LRBA: variants seen among roughly 807,000 people sequenced by gnomAD.
LRBA encodes LPS responsive beige-like anchor protein, also known as lipopolysaccharide-responsive and beige-like anchor protein.
LRBA carries 176 observed loss-of-function variants against 330.0 expected under a neutral mutation model. That is an observed-to-expected ratio of 0.53 (90% confidence interval 0.47 to 0.60). The LOEUF is 0.60. Among genes scored for constraint, LRBA ranks in the 20% least tolerant of loss-of-function variants. LRBA has a pLI of 0.00. For synonymous variants in LRBA, 1,230 were observed against 1,193.0 expected, an observed-to-expected ratio of 1.03 and a Z score of -0.64; for missense variants, 3,259 against 3,444.8, an observed-to-expected ratio of 0.95 and a Z score of 1.35.
chr4:150,953,565 G>T (rs577423552), intron 2 of LRBA, among the ~76,000 whole-genome samples: 1 of 150,792 alleles, frequency 6.6e-6, no homozygotes, highest in East Asian at 1.9e-4. Flanking sequence ...GGGTTTCGCC[G>T]TGTTGGCTGG....
At chr4:150,481,089 G>T (rs1291038402) in intron 42 of LRBA, among the ~76,000 whole-genome samples, 1 of 152,164 alleles carries the variant, frequency 6.6e-6, no homozygotes, top group Non-Finnish European at 1.5e-5. Flanking sequence ...AGAACACGCA[G>T]TGTTTAACTT....
chr4:150,545,623 C>T (rs1765770739), intron 40 of LRBA, among the ~76,000 whole-genome samples: 2 of 152,072 alleles, frequency 1.3e-5, no homozygotes, highest in South Asian at 4.1e-4. Context: ...CCATTTTATG[C>T]TTTAAAAATA....
chr4:150,325,707 C>A, intron 49 of LRBA, 102 bp downstream of exon 49: 2 of 785,322 alleles, frequency 2.5e-6, no homozygotes, highest in Admixed American at 2.1e-5. Flanking sequence ...AAAAACAAAC[C>A]CACATATGGT....
At chr4:150,837,216 T>C (rs1259088003) in intron 28 of LRBA, among the ~76,000 whole-genome samples, 3 of 152,208 alleles carry the variant, frequency 2.0e-5, no homozygotes, top group African/African-American at 7.2e-5. Flanking sequence ...TACTTCCAAC[T>C]ATGTGGTCAA....
At chr4:150,700,312 T>G (rs1184958576) in intron 36 of LRBA, among the ~76,000 whole-genome samples, 1 of 152,186 alleles carries the variant, frequency 6.6e-6, no homozygotes, top group Non-Finnish European at 1.5e-5. Context: ...CATACAAATA[T>G]GTACAGTATG....
chr4:150,983,771 T>TAA (rs983124121), intron 2 of LRBA, among the ~76,000 whole-genome samples: 22 of 136,884 alleles, frequency 1.6e-4, no homozygotes, highest in Non-Finnish European at 1.9e-4. Context: ...TACTCCGTCT[T>TAA]AAAAAAAAAA....
intron 47 of LRBA, among the ~76,000 whole-genome samples, chr4:150,393,114 T>G (rs1204504480): frequency 2.0e-5 from 3 of 152,162 alleles, no homozygotes; most frequent in Non-Finnish European, 4.4e-5. Context: ...ATTCTCTGAA[T>G]GAAATTTAGT....
chr4:150,946,762 T>G (rs1038718017), intron 2 of LRBA, among the ~76,000 whole-genome samples: 2 of 151,480 alleles, frequency 1.3e-5, no homozygotes. Flanking sequence ...GTCAGTGAAG[T>G]AGAAAGTAGG....
chr4:150,430,346 C>T (rs1750210456), intron 46 of LRBA, among the ~76,000 whole-genome samples: 1 of 152,132 alleles, frequency 6.6e-6, no homozygotes. Context: ...CACTTCTTTG[C>T]TTCAAACTCT....
chr4:150,853,171 C>T (rs774711839), intron 22 of LRBA, among the ~76,000 whole-genome samples: 2 of 151,958 alleles, frequency 1.3e-5, no homozygotes, highest in African/African-American at 2.4e-5. Flanking sequence ...AGCATGAAAC[C>T]ACAAGAAGAA....
intron 2 of LRBA, among the ~76,000 whole-genome samples, chr4:150,962,743 C>T (rs952710161): frequency 2.0e-5 from 3 of 148,734 alleles, no homozygotes; most frequent in Admixed American, 1.3e-4. Flanking sequence ...CACTTGAGGT[C>T]AGGAGTTCGA....
intron 47 of LRBA, among the ~76,000 whole-genome samples, chr4:150,371,747 T>G (rs553246528): frequency 6.6e-6 from 1 of 152,062 alleles, no homozygotes; most frequent in East Asian, 1.9e-4. Flanking sequence ...CTATATTTGT[T>G]AGGTAAAAAT....
rs1197013519 is a variant in LRBA, at chr4:150,944,920, G to C, written c.217-15855C>G. Among the ~76,000 whole-genome samples the C allele has an allele frequency of 2.0e-5, 3 of 152,124 alleles. No homozygotes were observed. The East Asian group carries it at 5.8e-4, about 29-fold the overall frequency. On this transcript the variant is annotated intron_variant, in intron 2 of 56. Transcript: ENST00000651943. ...CACAAGATCTGATGGTTTTATAAAG[G>C]GCAGTTACCCTGCACATGCTCTCTT...
At chr4:150,478,307 A>T (rs1047821924) in intron 42 of LRBA, among the ~76,000 whole-genome samples, 4 of 152,020 alleles carry the variant, frequency 2.6e-5, no homozygotes, top group African/African-American at 9.7e-5. Context: ...CCTAAAATTA[A>T]ACTCATTTTC....
chr4:150,665,258 T>C lies in LRBA; in HGVS notation c.5921+18293A>G, dbSNP rs183537714. Among the ~76,000 whole-genome samples, 112 of 152,190 alleles carry C rather than the reference T, an allele frequency of 7.4e-4. 2 individuals are homozygous for C. The highest frequency in any genetic ancestry group is 1.4e-3 in the Non-Finnish European group (98 of 68,032). On this transcript the variant is annotated intron_variant, in intron 37 of 56. Coordinates refer to ENST00000651943, the MANE Select transcript of LRBA (RefSeq NM_001364905.1). ...GGTTGCTTAGGGACCCTCTGTCTAG[T>C]ACATGCTGTAATTCTAGACTCCCAG...
chr4:150,674,388 T>TAA (rs1782343611), intron 37 of LRBA, among the ~76,000 whole-genome samples: 1 of 150,022 alleles, frequency 6.7e-6, no homozygotes, highest in Non-Finnish European at 1.5e-5. Context: ...TAGCAAACAG[T>TAA]AAAGTCTAAA....
At chr4:150,284,893 A>T (rs1747956782) in intron 54 of LRBA, among the ~76,000 whole-genome samples, 1 of 152,178 alleles carries the variant, frequency 6.6e-6, no homozygotes, top group African/African-American at 2.4e-5. Context: ...ATCACTTTGT[A>T]TGGTTTCAGT....
chr4:150,760,805 A>G (rs1272623727), intron 35 of LRBA, among the ~76,000 whole-genome samples: 1 of 152,170 alleles, frequency 6.6e-6, no homozygotes, highest in Non-Finnish European at 1.5e-5. Context: ...TTTAGCATGA[A>G]GTATTATAAT....
At chr4:150,677,786 C>T (rs896539751) in intron 37 of LRBA, among the ~76,000 whole-genome samples, 11 of 141,400 alleles carry the variant, frequency 7.8e-5, no homozygotes, top group Admixed American at 1.5e-4. Flanking sequence ...CTAGGTAACA[C>T]GACAAGATCC....
Sources: gnomAD v4.1 joint callset for allele counts (sites outside exome capture counted in the v4.1 genomes callset) on GRCh38, gnomAD v4.1.1 for gene constraint, MANE v1.5 for transcripts, NCBI Gene and HGNC (gene_info 2026-07-23, HGNC 2026-07-21) for gene names.